JAKMIP1: variants seen among roughly 807,000 people sequenced by gnomAD.
JAKMIP1 encodes janus kinase and microtubule-interacting protein 1.
A neutral mutation model predicts 113.0 loss-of-function variants in JAKMIP1; 33 were observed. The ratio of observed to expected loss-of-function variants is 0.29; its 90% CI spans 0.22 to 0.39. The LOEUF (loss-of-function observed/expected upper bound fraction) is 0.39, where lower values mean the gene tolerates loss of function less well. Among genes scored for constraint, JAKMIP1 ranks in the 10% least tolerant of loss-of-function variants. JAKMIP1 has a pLI of 1.00. For missense variants in JAKMIP1, 813 were observed against 1,080.5 expected (o/e 0.75, Z 3.47); for synonymous variants, 480 against 459.9 (o/e 1.04, Z -0.56).
intron 1 of JAKMIP1, among the ~76,000 whole-genome samples, chr4:6,127,981 T>G (rs975892973): frequency 6.6e-6 from 1 of 152,146 alleles, no homozygotes; most frequent in Non-Finnish European, 1.5e-5. Context: ...CCCCCATCTC[T>G]GGGTAACACC....
chr4:6,195,860 G>A (rs1382252314), intron 1 of JAKMIP1, among the ~76,000 whole-genome samples: 1 of 152,234 alleles, frequency 6.6e-6, no homozygotes, highest in Non-Finnish European at 1.5e-5. Flanking sequence ...TGCCAGTCTG[G>A]CACAAATGCA....
chr4:6,034,572 T>C (rs1232839615), intron 19 of JAKMIP1, among the ~76,000 whole-genome samples: 2 of 152,112 alleles, frequency 1.3e-5, no homozygotes, highest in Non-Finnish European at 2.9e-5. Context: ...GAGGCCTAGG[T>C]GGGTGGATCA....
chr4:6,171,146 A>G (rs1724610926), intron 1 of JAKMIP1, among the ~76,000 whole-genome samples: 1 of 146,148 alleles, frequency 6.8e-6, no homozygotes, highest in Non-Finnish European at 1.5e-5. Flanking sequence ...CAGCACCACC[A>G]TCATCACCAC....
rs1718568897 is a variant in JAKMIP1 at position 6,069,001 on chromosome 4, C to T, written c.1303-3993G>A. Among the ~76,000 whole-genome samples the T allele has an allele frequency of 6.6e-6, 1 of 151,976 alleles. No homozygotes were observed. On this transcript the variant is annotated intron_variant, in intron 8 of 20. Coordinates refer to ENST00000409021, the MANE Select transcript of JAKMIP1 (RefSeq NM_001099433.2). This position sits in a 1 kb window ranked among gnomAD's most constrained non-coding sequence, Gnocchi z 4.5. ...ATTATGCAGTAAGCCTACATGTACT[C>T]GATTTCTCAATATATTTGTGTCTTT...
chr4:6,168,324 C>T lies in JAKMIP1; in HGVS notation c.-148+31929G>A, dbSNP rs1353702650. 6.6e-6 allele frequency among the ~76,000 whole-genome samples: 1 copy of T among 152,150 alleles called. No individual in the cohort carries two copies. The highest frequency in any genetic ancestry group is 2.4e-5 in the African/African-American group (1 of 41,424). Reference sequence around the variant, plus strand: ...AAAGATGGGAAAACATATGTGCACACAAAAACATGTACACAAACATTCATG... The same window carrying T: ...AAAGATGGGAAAACATATGTGCACATAAAAACATGTACACAAACATTCATG... On this transcript the variant is annotated intron_variant, in intron 1 of 20. Coordinates refer to ENST00000409021, the MANE Select transcript of JAKMIP1 (RefSeq NM_001099433.2). This position sits in a 1 kb window ranked among gnomAD's most constrained non-coding sequence, Gnocchi z 4.6.
At position 6,134,387 on chromosome 4, in the gene JAKMIP1, G is replaced by A. The variant is rs142477059; in HGVS notation, c.-147-21390C>T. ...TATACAGACCTTTTGGGGTTTCTTTGTTACTGCAGCCTTGCCTCATCAAAC... is the reference window on the plus strand; with the variant it reads ...TATACAGACCTTTTGGGGTTTCTTTATTACTGCAGCCTTGCCTCATCAAAC... On this transcript the variant is annotated intron_variant, in intron 1 of 20. Transcript: ENST00000409021. 8.5e-3 allele frequency among the ~76,000 whole-genome samples: 1,293 copies of A among 152,228 alleles called. 11 individuals are homozygous for A. Among genetic ancestry groups the A allele is most frequent in the Middle Eastern group, 0.034 (10 of 294 alleles).
At chr4:6,170,101 C>T (rs1724234810) in intron 1 of JAKMIP1, among the ~76,000 whole-genome samples, 1 of 138,840 alleles carries the variant, frequency 7.2e-6, no homozygotes, top group African/African-American at 2.7e-5. Flanking sequence ...CCACGATCCC[C>T]ATCATTACCA....
At position 6,061,736 on chromosome 4, in the gene JAKMIP1, G is replaced by A. The variant is rs182834695; in HGVS notation, c.1560+576C>T. 3.3e-5 allele frequency among the ~76,000 whole-genome samples: 5 copies of A among 152,310 alleles called. No homozygotes were observed. In the East Asian group the frequency reaches 9.6e-4, roughly 29 times the overall value. ...AAGCACCCGTGTGTGCTCTCCGGGA[G>A]TCCTCCACACTCCCAGGAGGAAGCG... On this transcript the variant is annotated intron_variant, in intron 10 of 20. Transcript: ENST00000409021. The surrounding 1 kb of genome is among the most constrained non-coding windows in gnomAD (Gnocchi z 5.3).
In JAKMIP1 at chr4:6,143,484, T is replaced by C. The variant is rs950213848; in HGVS notation, c.-147-30487A>G. Among the ~76,000 whole-genome samples, 57 of 152,308 alleles carry C rather than the reference T, an allele frequency of 3.7e-4. No individual in the cohort carries two copies. The highest frequency in any genetic ancestry group is 1.3e-3 in the African/African-American group (52 of 41,580). ...GCATGTGCCACCTCACACTCCACAA[T>C]GGGACAAGAGGCAGGCCTGCTGGAT... On this transcript the variant is annotated intron_variant, in intron 1 of 20. Transcript: ENST00000409021. This position sits in a 1 kb window ranked among gnomAD's most constrained non-coding sequence, Gnocchi z 4.9.
intron 1 of JAKMIP1, among the ~76,000 whole-genome samples, chr4:6,191,068 T>C (rs1727202832): frequency 6.6e-6 from 1 of 152,034 alleles, no homozygotes; most frequent in Non-Finnish European, 1.5e-5. Flanking sequence ...GAACGTGAGG[T>C]TGGAAACTCT....
At chr4:6,071,318 T>C (rs528870908) in intron 8 of JAKMIP1, among the ~76,000 whole-genome samples, 1 of 151,400 alleles carries the variant, frequency 6.6e-6, no homozygotes, top group Admixed American at 6.6e-5. Context: ...CTGAGACACC[T>C]GGGCCTGGCC....
chr4:6,042,737 C>T lies in JAKMIP1; in HGVS notation c.2029-510G>A, dbSNP rs934819445. On this transcript the variant is annotated intron_variant, in intron 16 of 20. Coordinates refer to ENST00000409021, the MANE Select transcript of JAKMIP1 (RefSeq NM_001099433.2). The surrounding 1 kb of genome is among the most constrained non-coding windows in gnomAD (Gnocchi z 5.2). ...GAACCCAGCCTGCAGGATGCCAAAGCCACTGCCCTCATCCCTCCAGCAACG... is the reference window on the plus strand; with the variant it reads ...GAACCCAGCCTGCAGGATGCCAAAGTCACTGCCCTCATCCCTCCAGCAACG... Among the ~76,000 whole-genome samples the T allele has an allele frequency of 2.6e-5, 4 of 152,056 alleles. No homozygotes were observed. Among genetic ancestry groups the T allele is most frequent in the African/African-American group, 9.7e-5 (4 of 41,390 alleles).
intron 1 of JAKMIP1, among the ~76,000 whole-genome samples, chr4:6,166,514 G>A (rs1723650701): frequency 6.6e-6 from 1 of 152,216 alleles, no homozygotes; most frequent in Admixed American, 6.5e-5. Flanking sequence ...GCAGGCCCAG[G>A]CGGCCAGGGC....
In JAKMIP1 at chr4:6,129,673, G is replaced by A. The variant is rs1718234392; in HGVS notation, c.-147-16676C>T. 6.6e-6 allele frequency among the ~76,000 whole-genome samples: 1 copy of A among 152,236 alleles called. No individual in the cohort carries two copies. Among genetic ancestry groups the A allele is most frequent in the Middle Eastern group, 3.4e-3 (1 of 294 alleles). On this transcript the variant is annotated intron_variant, in intron 1 of 20. Coordinates refer to ENST00000409021, the MANE Select transcript of JAKMIP1 (RefSeq NM_001099433.2). This position sits in a 1 kb window ranked among gnomAD's most constrained non-coding sequence, Gnocchi z 5.4. ...GCCGTTCTCAATATTTCCCTACACA[G>A]ATCAGGAGGAAGCCATCCCTCTGCA...
intron 1 of JAKMIP1, among the ~76,000 whole-genome samples, chr4:6,195,665 C>T (rs866312543): frequency 1.3e-5 from 2 of 152,272 alleles, no homozygotes; most frequent in Middle Eastern, 3.4e-3. Context: ...TAATCCCTGG[C>T]GAGCTTCAGA....
chr4:6,144,784 G>A (rs1720622063), intron 1 of JAKMIP1, among the ~76,000 whole-genome samples: 1 of 152,162 alleles, frequency 6.6e-6, no homozygotes, highest in Non-Finnish European at 1.5e-5. Context: ...ACTCTCAATG[G>A]TGAAACATTA....
At position 6,139,564 on chromosome 4, in the gene JAKMIP1, G is replaced by A. The variant is rs1042334088; in HGVS notation, c.-147-26567C>T. Among the ~76,000 whole-genome samples the A allele has an allele frequency of 6.6e-6, 1 of 151,942 alleles. No homozygotes were observed. The highest frequency in any genetic ancestry group is 6.6e-5 in the Admixed American group (1 of 15,266). On this transcript the variant is annotated intron_variant, in intron 1 of 20. Transcript: ENST00000409021. This position sits in a 1 kb window ranked among gnomAD's most constrained non-coding sequence, Gnocchi z 5.2. ...AGGCGGATCACAAAGTCAGGAGTTC[G>A]AGACCAACCTGGCCAACATAGTGAA...
In JAKMIP1 at chr4:6,033,377, G is replaced by A. The variant is rs927197895; in HGVS notation, c.2379+2527C>T. On this transcript the variant is annotated intron_variant, in intron 19 of 20. Coordinates refer to ENST00000409021, the MANE Select transcript of JAKMIP1 (RefSeq NM_001099433.2). ...CTGGTTGTGTTAGGTAGTGTCGCCC[G>A]TGTTGAATACATGAGTGTTAGGGAT... 3.9e-5 allele frequency among the ~76,000 whole-genome samples: 6 copies of A among 152,222 alleles called. No homozygotes were observed. In the East Asian group the frequency reaches 5.8e-4, roughly 15 times the overall value.
At chr4:6,173,999 G>A (rs772145669) in intron 1 of JAKMIP1, among the ~76,000 whole-genome samples, 1 of 152,186 alleles carries the variant, frequency 6.6e-6, no homozygotes, top group Non-Finnish European at 1.5e-5. Flanking sequence ...AACCTGGAAG[G>A]TGGAGGTTGC....
Sources: allele counts gnomAD v4.1 joint callset (sites outside exome capture counted in the v4.1 genomes callset), GRCh38; gene constraint gnomAD v4.1.1; non-coding constraint Gnocchi (gnomAD v3.1); transcripts MANE v1.5; gene names NCBI Gene and HGNC (gene_info 2026-07-23, HGNC 2026-07-21).